The following MATN2 variants were observed in gnomAD, a reference collection of about 807,000 sequenced individuals.
MATN2 encodes the protein matrilin-2.
A neutral mutation model predicts 103.2 loss-of-function variants in MATN2; 69 were observed. That is an observed-to-expected ratio of 0.67 (90% confidence interval 0.55 to 0.82). MATN2 has a LOEUF of 0.82. Ranked by LOEUF, MATN2 falls within the 40% of genes least tolerant of loss-of-function variation. The pLI is 0.00. For synonymous variants in MATN2, 429 were observed against 450.2 expected, an observed-to-expected ratio of 0.95 and a Z score of 0.60; for missense variants, 1,023 against 1,211.5, an observed-to-expected ratio of 0.84 and a Z score of 2.31.
intron 6 of MATN2, among the ~76,000 whole-genome samples, chr8:97,986,526 G>A (rs1812201381): frequency 1.3e-5 from 2 of 152,090 alleles, no homozygotes; most frequent in Admixed American, 6.5e-5. Flanking sequence ...GTGAGAAGTG[G>A]GATATTTGGT....
intron 13 of MATN2, among the ~76,000 whole-genome samples, chr8:98,024,657 G>T (rs1432257199): frequency 2.0e-5 from 3 of 152,236 alleles, no homozygotes; most frequent in African/African-American, 7.2e-5. Context: ...ACTGGGTGAG[G>T]ATGCTGTAAA....
At chr8:97,872,432 C>G (rs1432106161) in intron 1 of MATN2, among the ~76,000 whole-genome samples, 1 of 152,162 alleles carries the variant, frequency 6.6e-6, no homozygotes, top group African/African-American at 2.4e-5. Context: ...GTATTAGTTG[C>G]CTATTGCTGC....
In MATN2 at chr8:97,941,869, A is replaced by C; in HGVS notation, c.805A>C (p.Ile269Leu). 2 of 1,613,642 alleles carry C rather than the reference A, an allele frequency of 1.2e-6. No individual in the cohort carries two copies. Among genetic ancestry groups the C allele is most frequent in the Non-Finnish European group, 1.7e-6 (2 of 1,179,628 alleles). Residue 269 changes from isoleucine (I) to leucine (L), a missense_variant, in exon 4 of 19, where the codon ATT (isoleucine) becomes CTT (leucine). Transcript: ENST00000254898. ...CGTCTGCAGGTGCAAACAAGGCTAC[A>C]TTCTCAACTCGGATCAGACGACTTG... Reference protein sequence around the residue: ...SYVCRCKQGYILNSDQTTCRI... With the variant: ...SYVCRCKQGYLLNSDQTTCRI...
intron 5 of MATN2, among the ~76,000 whole-genome samples, chr8:97,974,709 T>C (rs142935817): frequency 0.011 from 1,601 of 152,296 alleles, 29 homozygotes; most frequent in African/African-American, 0.034. Flanking sequence ...CCTCCCAAAG[T>C]GCTGGGATTA....
chr8:97,892,959 T>A lies in MATN2; in HGVS notation c.142+4717T>A, dbSNP rs547201572. On this transcript the variant is annotated intron_variant, in intron 2 of 18. Coordinates refer to ENST00000254898, the MANE Select transcript of MATN2 (RefSeq NM_002380.5). The stretch of plus-strand genomic sequence containing the variant: ...ATGGAGTGTGGCAGTGGGGCTCCGA[T>A]GTGGCGCTGGGTCTGCCAGACAGGT... Among the ~76,000 whole-genome samples the A allele has an allele frequency of 2.0e-5, 3 of 152,214 alleles. No homozygotes were observed. The South Asian group carries it at 6.2e-4, about 32-fold the overall frequency.
Position 97,993,241 on chromosome 8 carries a change from C to G in MATN2, c.1082-1239C>G, listed in dbSNP as rs563073040. Among the ~76,000 whole-genome samples, 17 of 152,238 alleles carry G rather than the reference C, an allele frequency of 1.1e-4. 1 individual carries two copies. In the South Asian group the frequency reaches 3.5e-3, roughly 32 times the overall value. On this transcript the variant is annotated intron_variant, in intron 6 of 18. Transcript: ENST00000254898. Reference sequence around the variant, plus strand: ...CTTTCCCTTACTCAGTTTGTTTCCTCTGGTATGGACTGGGAACTCTCATTT... The same window carrying G: ...CTTTCCCTTACTCAGTTTGTTTCCTGTGGTATGGACTGGGAACTCTCATTT...
At chr8:97,945,717 A>AATATATATATATATATATATATAT (rs1554605716) in intron 4 of MATN2, among the ~76,000 whole-genome samples, 1 of 121,832 alleles carries the variant, frequency 8.2e-6, no homozygotes, top group African/African-American at 3.1e-5. Context: ...AAAAAAAAAA[A>AATATATATATATATATATATATAT]ATATATATAT....
At chr8:98,000,046 G>A (rs1812728156) in intron 7 of MATN2, among the ~76,000 whole-genome samples, 1 of 151,484 alleles carries the variant, frequency 6.6e-6, no homozygotes, top group Admixed American at 6.6e-5. Flanking sequence ...ATGCCTGGCT[G>A]ATTTTTGTAT....
Position 97,965,377 on chromosome 8 carries a change from G to A in MATN2, c.958+3847G>A, listed in dbSNP as rs1586099784. ...GGGAACTGCAGGGTGTATTCCAGGA[G>A]AAGGATGGCAAGAAGTGGGAAGACC... On this transcript the variant is annotated intron_variant, in intron 5 of 18. Transcript: ENST00000254898. Among the ~76,000 whole-genome samples, 3 of 152,328 alleles carry A rather than the reference G, an allele frequency of 2.0e-5. No individual in the cohort carries two copies. In the East Asian group the frequency reaches 5.8e-4, roughly 29 times the overall value.
chr8:98,023,268 TAAAC>T (rs1021934739), intron 13 of MATN2, among the ~76,000 whole-genome samples: 9 of 150,248 alleles, frequency 6.0e-5, no homozygotes, highest in Admixed American at 2.0e-4. Context: ...AAAAAACAAA[TAAAC>T]AAACAAAAAT....
At chr8:97,922,821 T>C (rs1341146566) in intron 2 of MATN2, among the ~76,000 whole-genome samples, 1 of 152,214 alleles carries the variant, frequency 6.6e-6, no homozygotes, top group Non-Finnish European at 1.5e-5. Flanking sequence ...CAGACTGGCT[T>C]GATCTGTTTA....
At chr8:97,981,128 T>A (rs775716418) in intron 6 of MATN2, among the ~76,000 whole-genome samples, 2 of 150,244 alleles carry the variant, frequency 1.3e-5, no homozygotes, top group Non-Finnish European at 3.0e-5. Flanking sequence ...GGGGCTGTAG[T>A]GAGCCATGAT....
At chr8:97,923,910 T>A (rs2513836) in intron 2 of MATN2, among the ~76,000 whole-genome samples, 100,128 of 151,978 alleles carry the variant, frequency 0.66, 33,688 homozygotes, top group East Asian at 0.94. Context: ...AGTAACTTTA[T>A]TCCTGCCATA....
At chr8:97,895,892 G>A (rs1384955687) in intron 2 of MATN2, among the ~76,000 whole-genome samples, 1 of 152,236 alleles carries the variant, frequency 6.6e-6, no homozygotes, top group Non-Finnish European at 1.5e-5. Context: ...GACAGAAAAG[G>A]TGCTCAACCC....
chr8:97,952,741 A>G (rs1331599239), intron 4 of MATN2, among the ~76,000 whole-genome samples: 1 of 152,124 alleles, frequency 6.6e-6, no homozygotes, highest in Admixed American at 6.5e-5. Flanking sequence ...TGTCAGATAC[A>G]TGCTAATGGT....
Position 97,980,146 on chromosome 8 carries a change from G to T in MATN2, c.1081+1138G>T, listed in dbSNP as rs113928964. 1.5e-3 allele frequency among the ~76,000 whole-genome samples: 234 copies of T among 152,288 alleles called. 2 individuals carry two copies. Among genetic ancestry groups the T allele is most frequent in the African/African-American group, 5.3e-3 (219 of 41,558 alleles). ...TCACTAGGCAGAAAAGGGTGAGGTGGGGGTTCCAGGAGAAGGAAAGAAGTT... is the reference window on the plus strand; with the variant it reads ...TCACTAGGCAGAAAAGGGTGAGGTGTGGGTTCCAGGAGAAGGAAAGAAGTT... On this transcript the variant is annotated intron_variant, in intron 6 of 18. Transcript: ENST00000254898.
At position 98,018,114 on chromosome 8, in the gene MATN2, G is replaced by A. The variant is rs201583801; in HGVS notation, c.1817G>A (p.Arg606Gln). ...FRLAEDGKRC[R>Q]RKDVCKSTHH... is the part of the protein sequence containing the mutation. ...CTCGCTGAGGATGGGAAACGCTGCC[G>A]AAGTAAGTAGCCTCGAGGTGGAGAA... is the stretch of plus-strand genomic sequence containing the variant. Residue 606 changes from arginine (R) to glutamine (Q), a missense_variant and splice_region_variant, in exon 12 of 19, where the codon CGA (arginine) becomes CAA (glutamine). Transcript: ENST00000254898. 473 of 1,613,690 alleles carry A rather than the reference G, an allele frequency of 2.9e-4. No homozygotes were observed. In the African/African-American group the frequency reaches 4.4e-3, roughly 15 times the overall value.
At chr8:98,016,770 G>T (rs909009686) in intron 11 of MATN2, 108 bp downstream of exon 11, 12 of 1,344,088 alleles carry the variant, frequency 8.9e-6, no homozygotes, top group Non-Finnish European at 9.4e-6. Context: ...ATGCCACACA[G>T]CAAAATGTAA....
chr8:97,987,376 A>T (rs886561971), intron 6 of MATN2, among the ~76,000 whole-genome samples: 1 of 152,114 alleles, frequency 6.6e-6, no homozygotes, highest in African/African-American at 2.4e-5. Flanking sequence ...TGTGCAGCAA[A>T]CCAACATGGC....
Sources: allele counts gnomAD v4.1 joint callset (sites outside exome capture counted in the v4.1 genomes callset), GRCh38; gene constraint gnomAD v4.1.1; transcripts MANE v1.5; gene names NCBI Gene and HGNC (gene_info 2026-07-23, HGNC 2026-07-21).